DPY19L2: variants seen among roughly 807,000 people sequenced by gnomAD.
DPY19L2 encodes the protein probable C-mannosyltransferase DPY19L2.
A neutral mutation model predicts 97.9 loss-of-function variants in DPY19L2; 34 were observed. The ratio of observed to expected loss-of-function variants is 0.35; its 90% CI spans 0.26 to 0.46. The LOEUF (loss-of-function observed/expected upper bound fraction) is 0.46, where lower values mean the gene tolerates loss of function less well. DPY19L2 is among the 20% of genes least tolerant of loss of function. The pLI is 1.00. For missense variants in DPY19L2, 623 were observed against 911.4 expected (o/e 0.68, Z 4.07); for synonymous variants, 230 against 307.9 (o/e 0.75, Z 2.65).
intron 19 of DPY19L2, among the ~76,000 whole-genome samples, chr12:63,576,357 G>A (rs191211138): frequency 5.0e-4 from 76 of 152,070 alleles, no homozygotes; most frequent in Non-Finnish European, 9.1e-4. Context: ...AGAAAACACT[G>A]AAAGCCTTTC....
At chr12:63,626,123 C>T (rs921453330) in intron 7 of DPY19L2, among the ~76,000 whole-genome samples, 1 of 151,254 alleles carries the variant, frequency 6.6e-6, no homozygotes, top group African/African-American at 2.4e-5. Context: ...AATTTCATAA[C>T]TTGTATGGTG....
rs1261692400 is a variant in DPY19L2 at position 63,571,030 on chromosome 12, C to G, written c.1901-173G>C. Among the ~76,000 whole-genome samples, 3 of 152,020 alleles carry G rather than the reference C, an allele frequency of 2.0e-5. No homozygotes were observed. In the East Asian group the frequency reaches 5.8e-4, roughly 29 times the overall value. On this transcript the variant is annotated intron_variant, in intron 19 of 21. Coordinates refer to ENST00000324472, the MANE Select transcript of DPY19L2 (RefSeq NM_173812.5). ...TATTCATTATCTACTACAATAATAGCTGACTTTTGTTAAATACTATCTTGG... is the reference window on the plus strand; with the variant it reads ...TATTCATTATCTACTACAATAATAGGTGACTTTTGTTAAATACTATCTTGG...
chr12:63,604,594 G>A (rs954368005), intron 12 of DPY19L2, among the ~76,000 whole-genome samples: 7 of 150,242 alleles, frequency 4.7e-5, no homozygotes, highest in African/African-American at 1.5e-4. Flanking sequence ...CAAGAGCACC[G>A]ATTGCTTCCT....
At chr12:63,599,748 T>C (rs1056622022) in intron 13 of DPY19L2, among the ~76,000 whole-genome samples, 3 of 152,156 alleles carry the variant, frequency 2.0e-5, no homozygotes, top group Admixed American at 2.0e-4. Context: ...AGGGCTACTC[T>C]TTAAAACATT....
At chr12:63,637,982 C>T (rs975312383) in intron 6 of DPY19L2, among the ~76,000 whole-genome samples, 12 of 152,104 alleles carry the variant, frequency 7.9e-5, no homozygotes, top group Non-Finnish European at 1.8e-4. Context: ...AAACCGAATC[C>T]AGCAGCACAT....
Position 63,635,443 on chromosome 12 carries a change from C to A in DPY19L2, c.804-8917G>T, listed in dbSNP as rs1891485778. On this transcript the variant is annotated intron_variant, in intron 6 of 21. Coordinates refer to ENST00000324472, the MANE Select transcript of DPY19L2 (RefSeq NM_173812.5). ...AAAGCTGGAAGGAGAATGACTTTGA[C>A]AAGTTGAGAGAAGGTTTCAGACGAT... is the stretch of plus-strand genomic sequence containing the variant. 3.3e-5 allele frequency among the ~76,000 whole-genome samples: 5 copies of A among 152,122 alleles called. No homozygotes were observed. The South Asian group carries it at 8.3e-4, about 25-fold the overall frequency.
intron 6 of DPY19L2, among the ~76,000 whole-genome samples, chr12:63,629,328 G>A (rs1229599612): frequency 6.6e-6 from 1 of 152,096 alleles, no homozygotes; most frequent in Non-Finnish European, 1.5e-5. Flanking sequence ...AAAAAAATTA[G>A]ACGAATGGCT....
At chr12:63,574,405 G>A (rs1879442513) in intron 19 of DPY19L2, among the ~76,000 whole-genome samples, 1 of 151,680 alleles carries the variant, frequency 6.6e-6, no homozygotes, top group Non-Finnish European at 1.5e-5. Flanking sequence ...GGAAGGAAGA[G>A]AAGACCACAA....
chr12:63,617,297 C>G lies in DPY19L2; in HGVS notation c.1218+7G>C, dbSNP rs758358022. 9.5e-6 allele frequency: 15 copies of G among 1,582,444 alleles called. 1 individual carries two copies. The South Asian group carries it at 1.7e-4, about 18-fold the overall frequency. On this transcript the variant is annotated splice_region_variant and intron_variant, in intron 11 of 21. Coordinates refer to ENST00000324472, the MANE Select transcript of DPY19L2 (RefSeq NM_173812.5). ...AAAAAAACCAACTTTATGAACTAAA[C>G]ACTTACCCACGTCATTAACAAAGAT... is the stretch of plus-strand genomic sequence containing the variant.
rs1895660875 is a variant in DPY19L2, at chr12:63,661,424, G to A, written c.508C>T (p.Leu170=). 3 of 1,601,950 alleles carry A rather than the reference G, an allele frequency of 1.9e-6. No individual in the cohort carries two copies. The highest frequency in any genetic ancestry group is 2.6e-6 in the Non-Finnish European group (3 of 1,176,446). Residue 170 remains leucine (L), a synonymous_variant, in exon 4 of 22, where the codon CTG becomes TTG. Transcript: ENST00000324472. ...IIEAPSFLEG[L]WMIMNDRLTE... Reference sequence around the variant, plus strand: ...AGCCTGTCATTCATAATCATCCACAGTCCTTCCAAAAACGAAGGTGCTTCA... The same window carrying A: ...AGCCTGTCATTCATAATCATCCACAATCCTTCCAAAAACGAAGGTGCTTCA...
intron 16 of DPY19L2, chr12:63,591,176 T>C (rs1235554886): frequency 4.4e-6 from 2 of 449,946 alleles, no homozygotes; most frequent in African/African-American, 2.0e-5. Flanking sequence ...TTGGAAACAA[T>C]TTCAACAGAT....
chr12:63,668,223 C>A lies in DPY19L2; in HGVS notation c.171G>T (p.Gly57=). The change falls in exon 1 of 22, where the codon GGG becomes GGT. Residue 57 remains glycine (G), a synonymous_variant. Transcript: ENST00000324472. The part of the protein sequence containing the change: ...LPRGSWRSSP[G]RIQSLKERKG... The stretch of plus-strand genomic sequence containing the variant: ...TTCGCTCTTTCAGACTTTGGATCCT[C>A]CCCGGGGAGGACCTCCAGGAGCCCC... 6.2e-7 allele frequency: 1 copy of A among 1,613,906 alleles called. No individual in the cohort carries two copies. Among genetic ancestry groups the A allele is most frequent in the Non-Finnish European group, 8.5e-7 (1 of 1,179,920 alleles).
At chr12:63,621,042 G>A (rs905854347) in intron 9 of DPY19L2, among the ~76,000 whole-genome samples, 196 bp downstream of exon 9, 11 of 151,512 alleles carry the variant, frequency 7.3e-5, no homozygotes, top group Admixed American at 4.0e-4. Flanking sequence ...CACACACTGG[G>A]GCCTGTCAAG....
chr12:63,563,567 G>C (rs1877061059), intron 21 of DPY19L2, among the ~76,000 whole-genome samples: 2 of 152,118 alleles, frequency 1.3e-5, no homozygotes, highest in African/African-American at 4.8e-5. Context: ...TCACTTGATT[G>C]GTTTTCAAAT....
At chr12:63,576,556 A>G (rs1879864363) in intron 19 of DPY19L2, among the ~76,000 whole-genome samples, 1 of 149,024 alleles carries the variant, frequency 6.7e-6, no homozygotes, top group African/African-American at 2.5e-5. Flanking sequence ...TAAAGTCTCC[A>G]CCAAAAAAAA....
intron 20 of DPY19L2, 57 bp from the exon 21 acceptor site, chr12:63,569,406 TA>T (rs1878381848): frequency 1.5e-6 from 2 of 1,296,524 alleles, no homozygotes; most frequent in Non-Finnish European, 1.0e-6. Flanking sequence ...TAGAATAGAC[TA>T]AAAAAATCTT....
chr12:63,589,385 A>AAAAAAAAAAAAAAAAAAG, intron 16 of DPY19L2, among the ~76,000 whole-genome samples: 1 of 135,018 alleles, frequency 7.4e-6, no homozygotes, highest in South Asian at 2.2e-4. Context: ...AAAAAAAAAA[A>AAAAAAAAAAAAAAAAAAG]AAAAAAAGTA....
chr12:63,592,074 A>ACAAGAGAAGG (rs1483131237), intron 16 of DPY19L2, among the ~76,000 whole-genome samples: 2 of 108,694 alleles, frequency 1.8e-5, no homozygotes, highest in Non-Finnish European at 3.9e-5. Flanking sequence ...GCAAGAGAAG[A>ACAAGAGAAGG]CAAGAGAAGA....
chr12:63,623,590 A>T (rs1287975823), intron 8 of DPY19L2, among the ~76,000 whole-genome samples: 2 of 152,180 alleles, frequency 1.3e-5, no homozygotes, highest in Admixed American at 6.5e-5. Context: ...CAATTTTTAC[A>T]TAGCAATTTT....
Sources: gnomAD v4.1 joint callset for allele counts (sites outside exome capture counted in the v4.1 genomes callset) on GRCh38, gnomAD v4.1.1 for gene constraint, MANE v1.5 for transcripts, NCBI Gene and HGNC (gene_info 2026-07-23, HGNC 2026-07-21) for gene names.